Variants in MAP3K10 observed in about 807,000 individuals in gnomAD.
MAP3K10 encodes mitogen-activated protein kinase kinase kinase 10.
MAP3K10 carries 22 observed loss-of-function variants against 75.0 expected under a neutral mutation model. The observed-to-expected ratio is 0.29, with a 90% CI of 0.21 to 0.42. The LOEUF (loss-of-function observed/expected upper bound fraction) is 0.42. Ranked by LOEUF, MAP3K10 falls within the 10% of genes least tolerant of loss-of-function variation. The probability of loss-of-function intolerance (pLI) is 1.00; values close to 1 mark genes in which losing one functional copy is unlikely to be tolerated. For missense variants in MAP3K10, 1,165 were observed against 1,379.8 expected (o/e 0.84, Z 2.47); for synonymous variants, 599 against 612.9 (o/e 0.98, Z 0.34).
chr19:40,206,223 ATC>A, intron 5 of MAP3K10, 66 bp downstream of exon 5: 1 of 1,508,718 alleles, frequency 6.6e-7, no homozygotes, highest in Non-Finnish European at 8.9e-7. Flanking sequence ...CCTAGGATTT[ATC>A]TCTTCCTTTT....
chr19:40,213,059 C>T lies in MAP3K10; in HGVS notation c.1725-17C>T, dbSNP rs367658188. 13 of 1,603,392 alleles carry T rather than the reference C, an allele frequency of 8.1e-6. No homozygotes were observed. Among genetic ancestry groups the T allele is most frequent in the Non-Finnish European group, 1.1e-5 (13 of 1,174,738 alleles). On this transcript the variant is annotated splice_polypyrimidine_tract_variant and intron_variant, in intron 7 of 9. Transcript: ENST00000253055. The surrounding 1 kb of genome is among the most constrained non-coding windows in gnomAD (Gnocchi z 5.7). ...GGCCACAGGACTGAGGTCTCCATCT[C>T]TCCCTGGACCCCGCAGGCTGAAGGG... is the stretch of plus-strand genomic sequence containing the variant.
intron 2 of MAP3K10, among the ~76,000 whole-genome samples, chr19:40,199,755 G>A (rs563114350): frequency 6.6e-6 from 1 of 152,352 alleles, no homozygotes; most frequent in African/African-American, 2.4e-5. Context: ...GCCAAGGTGG[G>A]AGGATCACTT....
chr19:40,192,641 G>A lies in MAP3K10; in HGVS notation c.610G>A (p.Ala204Thr). Residue 204 changes from alanine to threonine, a missense_variant, in exon 1 of 10, where the codon GCC (alanine) becomes ACC (threonine). Transcript: ENST00000253055. The surrounding 1 kb of genome is among the most constrained non-coding windows in gnomAD (Gnocchi z 7.1). ...HVLVNWAVQV[A>T]RGMNYLHNDA... ...GCTGGTCAACTGGGCTGTGCAGGTG[G>A]CCCGGGGCATGAACTACCTACACAA... The A allele has an allele frequency of 6.2e-7, 1 of 1,601,428 alleles. No homozygotes were observed. The highest frequency in any genetic ancestry group is 8.5e-7 in the Non-Finnish European group (1 of 1,173,688).
Position 40,212,509 on chromosome 19 carries a change from G to A in MAP3K10, c.1553-296G>A, listed in dbSNP as rs1215206912. On this transcript the variant is annotated intron_variant, in intron 6 of 9. Coordinates refer to ENST00000253055, the MANE Select transcript of MAP3K10 (RefSeq NM_002446.4). This position sits in a 1 kb window ranked among gnomAD's most constrained non-coding sequence, Gnocchi z 4.2. The stretch of plus-strand genomic sequence containing the variant: ...CTACCCAGAGCTGGAGACCAGAAGC[G>A]CAGGCAGCCCGCCAGAATGAATGGT... Among the ~76,000 whole-genome samples the A allele has an allele frequency of 2.0e-5, 3 of 152,206 alleles. No homozygotes were observed. The highest frequency in any genetic ancestry group is 7.2e-5 in the African/African-American group (3 of 41,454).
At chr19:40,214,497 A>G (rs952165710) in intron 9 of MAP3K10, among the ~76,000 whole-genome samples, 1 of 152,100 alleles carries the variant, frequency 6.6e-6, no homozygotes, top group Admixed American at 6.5e-5. Context: ...CAGCCTAGAC[A>G]CTGTTCTCCT....
chr19:40,212,961 TG>T lies in MAP3K10; in HGVS notation c.1712del (p.Gly571GlufsTer6). On this transcript the variant is annotated frameshift_variant, in exon 7 of 10. Coordinates refer to ENST00000253055, the MANE Select transcript of MAP3K10 (RefSeq NM_002446.4). LOFTEE classifies it high-confidence loss of function. The surrounding 1 kb of genome is among the most constrained non-coding windows in gnomAD (Gnocchi z 4.2). ...AGCTCCACCCTGCAGAAGGAGCGGG[TG>T]GGAGGAGAGGAGAGGTGAGGTGTGG... ...GPSSTLQKERVGGEERLKGLG... is the reference protein window; with the variant it reads ...GPSSTLQKERXGGEERLKGLG... 1 of 1,605,890 alleles carries T rather than the reference TG, an allele frequency of 6.2e-7. No homozygotes were observed.
At chr19:40,208,378 AGTAGAGACAGGG>A (rs1973174395) in intron 5 of MAP3K10, among the ~76,000 whole-genome samples, 1 of 20,526 alleles carries the variant, frequency 4.9e-5, no homozygotes, top group Admixed American at 5.8e-4. Flanking sequence ...TTGTATTTTT[AGTAGAGACAGGG>A]TTTCACCGTG....
At position 40,213,834 on chromosome 19, in the gene MAP3K10, C is replaced by T; in HGVS notation, c.2155C>T (p.Arg719Trp). Residue 719 changes from arginine (R) to tryptophan (W), a missense_variant, in exon 9 of 10, where the codon CGG becomes TGG. Arg to Trp is a moderately radical substitution (Grantham distance 101, BLOSUM62 -3). This residue lies in a region of MAP3K10 where 590 missense variants were observed against 586.6 expected (regional missense o/e 1.01). Coordinates refer to ENST00000253055, the MANE Select transcript of MAP3K10 (RefSeq NM_002446.4). This position sits in a 1 kb window ranked among gnomAD's most constrained non-coding sequence, Gnocchi z 5.7. ...CTTTCCCCGCGCCGGCCGCTTCCCG[C>T]GGGGCCTCAGCCCACCCGCGCGTCC... ...LFFPRAGRFP[R>W]GLSPPARPHG... 7.5e-7 allele frequency: 1 copy of T among 1,334,570 alleles called. No homozygotes were observed. The highest frequency in any genetic ancestry group is 9.6e-7 in the Non-Finnish European group (1 of 1,043,390). The allele number at this position is 1,334,570 out of a possible 1,614,324, so 82.7% of individuals were successfully genotyped here. A position where few individuals can be genotyped will look rare whatever the true frequency, so the allele number is the denominator to read the frequency against.
rs775101030 is a variant in MAP3K10 at position 40,205,870 on chromosome 19, C to T, written c.1189-41C>T. ...CTGGGTCCCTCCCCAGGAAGCAGAG[C>T]AGCTAAGCCCCTCCCCCCAGCCACC... On this transcript the variant is annotated intron_variant, in intron 4 of 9. Coordinates refer to ENST00000253055, the MANE Select transcript of MAP3K10 (RefSeq NM_002446.4). The surrounding 1 kb of genome is among the most constrained non-coding windows in gnomAD (Gnocchi z 4.3). 3.9e-5 allele frequency: 57 copies of T among 1,473,406 alleles called. No individual in the cohort carries two copies. The East Asian group carries it at 1.4e-3, about 36-fold the overall frequency. The allele number at this position is 1,473,406 out of a possible 1,614,324, so 91.3% of individuals were successfully genotyped here.
rs1264207564 is a variant in MAP3K10, at chr19:40,205,898, C to T, written c.1189-13C>T. 3.9e-6 allele frequency: 6 copies of T among 1,527,718 alleles called. No homozygotes were observed. Among genetic ancestry groups the T allele is most frequent in the African/African-American group, 1.4e-5 (1 of 72,870 alleles). 94.6% of individuals were successfully genotyped at this position (1,527,718 alleles called of 1,614,324 possible). A position where few individuals can be genotyped will look rare whatever the true frequency, so the allele number is the denominator to read the frequency against. ...CTAAGCCCCTCCCCCCAGCCACCGC[C>T]TCTCCTTCCCAGGAGCTTCGGAGCC... On this transcript the variant is annotated splice_polypyrimidine_tract_variant and intron_variant, in intron 4 of 9. Transcript: ENST00000253055. This position sits in a 1 kb window ranked among gnomAD's most constrained non-coding sequence, Gnocchi z 4.3.
chr19:40,191,604 C>CG lies in MAP3K10; in HGVS notation c.-426dup, dbSNP rs1407066672. 6.7e-6 allele frequency: 1 copy of CG among 148,256 alleles called. No individual in the cohort carries two copies. Among genetic ancestry groups the CG allele is most frequent in the Non-Finnish European group, 1.5e-5 (1 of 66,546 alleles). 9.2% of individuals were successfully genotyped at this position (148,256 alleles called of 1,614,324 possible). On this transcript the variant is annotated 5_prime_UTR_variant, in exon 1 of 10. Transcript: ENST00000253055. ...CCCCAGGGGCCCCGCCACCCCCGCCCGGCCCGGCAGTCGTGGCCCGGGATG... is the reference window on the plus strand; with the variant it reads ...CCCCAGGGGCCCCGCCACCCCCGCCCGGGCCCGGCAGTCGTGGCCCGGGATG...
At position 40,213,073 on chromosome 19, in the gene MAP3K10, C is replaced by A; in HGVS notation, c.1725-3C>A. 6.2e-7 allele frequency: 1 copy of A among 1,605,894 alleles called. No individual in the cohort carries two copies. The highest frequency in any genetic ancestry group is 8.5e-7 in the Non-Finnish European group (1 of 1,176,506). ...GGTCTCCATCTCTCCCTGGACCCCG[C>A]AGGCTGAAGGGGCTGGGGGAAGGAA... On this transcript the variant is annotated splice_polypyrimidine_tract_variant and splice_region_variant and intron_variant, in intron 7 of 9. Coordinates refer to ENST00000253055, the MANE Select transcript of MAP3K10 (RefSeq NM_002446.4). The surrounding 1 kb of genome is among the most constrained non-coding windows in gnomAD (Gnocchi z 5.7).
Position 40,192,300 on chromosome 19 carries a change from C to T in MAP3K10, c.269C>T (p.Pro90Leu). 1 of 1,599,964 alleles carries T rather than the reference C, an allele frequency of 6.3e-7. No individual in the cohort carries two copies. The highest frequency in any genetic ancestry group is 8.5e-7 in the Non-Finnish European group (1 of 1,175,502). The change falls in exon 1 of 10, where the codon CCC becomes CTC. Residue 90 changes from proline to leucine, a missense_variant. Pro to Leu is a moderately conservative substitution (Grantham distance 98, BLOSUM62 -3). This residue lies in a region of MAP3K10 where 575 missense variants were observed against 793.2 expected (regional missense o/e 0.72). Transcript: ENST00000253055. The surrounding 1 kb of genome is among the most constrained non-coding windows in gnomAD (Gnocchi z 7.1). Reference protein sequence around the residue: ...APAAPAGLQLPQEIPFHELQL... With the variant: ...APAAPAGLQLLQEIPFHELQL... Reference sequence around the variant, plus strand: ...GCTGCACCCGCGGGCCTCCAGCTGCCCCAGGAGATCCCCTTCCACGAGCTG... The same window carrying T: ...GCTGCACCCGCGGGCCTCCAGCTGCTCCAGGAGATCCCCTTCCACGAGCTG...
At position 40,213,998 on chromosome 19, in the gene MAP3K10, G is replaced by GCCCAC; in HGVS notation, c.2322_2323insACCCC (p.Ser775ThrfsTer49). 18 of 1,521,810 alleles carry GCCCAC rather than the reference G, an allele frequency of 1.2e-5. No homozygotes were observed. Among genetic ancestry groups the GCCCAC allele is most frequent in the East Asian group, 2.5e-5 (1 of 39,522 alleles). The allele number at this position is 1,521,810 out of a possible 1,614,324, so 94.3% of individuals were successfully genotyped here. ...ACAGTGACGAGGCCGCACCGGCCGC[G>GCCCAC]CCCTCCCCACCACCCTCCCCGCCCG... On this transcript the variant is annotated frameshift_variant, in exon 9 of 10. Coordinates refer to ENST00000253055, the MANE Select transcript of MAP3K10 (RefSeq NM_002446.4). LOFTEE classifies it high-confidence loss of function. The surrounding 1 kb of genome is among the most constrained non-coding windows in gnomAD (Gnocchi z 5.7).
In MAP3K10 at chr19:40,213,399, G is replaced by A. The variant is rs1225287020; in HGVS notation, c.1838-118G>A. The A allele has an allele frequency of 2.0e-6, 3 of 1,486,226 alleles. No homozygotes were observed. The highest frequency in any genetic ancestry group is 2.3e-5 in the Admixed American group (1 of 44,062). 92.1% of individuals were successfully genotyped at this position (1,486,226 alleles called of 1,614,324 possible). On this transcript the variant is annotated intron_variant, in intron 8 of 9. Coordinates refer to ENST00000253055, the MANE Select transcript of MAP3K10 (RefSeq NM_002446.4). The surrounding 1 kb of genome is among the most constrained non-coding windows in gnomAD (Gnocchi z 5.7). Reference sequence around the variant, plus strand: ...TTCTCCTGGAGACAGATTCAAGAACGATGCTCGTGGGTCTTGGTCTTGCTG... The same window carrying A: ...TTCTCCTGGAGACAGATTCAAGAACAATGCTCGTGGGTCTTGGTCTTGCTG...
At position 40,212,693 on chromosome 19, in the gene MAP3K10, G is replaced by C; in HGVS notation, c.1553-112G>C. On this transcript the variant is annotated intron_variant, in intron 6 of 9. Coordinates refer to ENST00000253055, the MANE Select transcript of MAP3K10 (RefSeq NM_002446.4). This position sits in a 1 kb window ranked among gnomAD's most constrained non-coding sequence, Gnocchi z 4.2. ...GGAGGGTCATGACTGGAGTTCAAAAGAGCCCTTGGACTCCCAGGCGGAGGG... is the reference window on the plus strand; with the variant it reads ...GGAGGGTCATGACTGGAGTTCAAAACAGCCCTTGGACTCCCAGGCGGAGGG... The C allele has an allele frequency of 7.3e-7, 1 of 1,371,660 alleles. No homozygotes were observed. Among genetic ancestry groups the C allele is most frequent in the Non-Finnish European group, 9.9e-7 (1 of 1,009,606 alleles). 85.0% of individuals were successfully genotyped at this position (1,371,660 alleles called of 1,614,324 possible).
In MAP3K10 at chr19:40,215,501, CAGGGATACTCAGGG is replaced by C; in HGVS notation, c.*211_*224del. 1.8e-6 allele frequency: 1 copy of C among 568,710 alleles called. No homozygotes were observed. The highest frequency in any genetic ancestry group is 2.4e-5 in the South Asian group (1 of 42,422). 35.2% of individuals were successfully genotyped at this position (568,710 alleles called of 1,614,324 possible). ...CACCCTGCACTGGGGGGAGGGTGGG[CAGGGATACTCAGGG>C]ACAGGGCATCATGGGGGATTTGGCA... On this transcript the variant is annotated 3_prime_UTR_variant, in exon 10 of 10. Transcript: ENST00000253055.
intron 5 of MAP3K10, 88 bp downstream of exon 5, chr19:40,206,245 C>T: frequency 1.4e-6 from 2 of 1,463,690 alleles, no homozygotes; most frequent in Non-Finnish European, 1.8e-6. Context: ...TCTTTTTCAA[C>T]TTGTTTTTAT....
chr19:40,207,652 T>C (rs1380006939), intron 5 of MAP3K10, among the ~76,000 whole-genome samples: 2 of 152,070 alleles, frequency 1.3e-5, no homozygotes, highest in African/African-American at 4.8e-5. Context: ...GGAGAATCGC[T>C]TGAACCTGGG....
Sources: allele counts gnomAD v4.1 joint callset (sites outside exome capture counted in the v4.1 genomes callset), GRCh38; gene constraint gnomAD v4.1.1; regional missense constraint gnomAD v4.1.1; non-coding constraint Gnocchi (gnomAD v3.1); transcripts MANE v1.5; gene names NCBI Gene and HGNC (gene_info 2026-07-23, HGNC 2026-07-21).